Variants in RBMX observed in about 807,000 individuals in gnomAD.
RBMX encodes the protein RNA-binding motif protein, X chromosome.
In RBMX, 1 loss-of-function variant was observed where a neutral mutation model predicts 29.3. The ratio of observed to expected loss-of-function variants is 0.03; its 90% CI spans 0.01 to 0.16. RBMX has a LOEUF of 0.16. Ranked by LOEUF, RBMX falls within the 10% of genes least tolerant of loss-of-function variation. RBMX has a pLI of 1.00. For missense variants in RBMX, 121 were observed against 333.2 expected, an observed-to-expected ratio of 0.36 and a Z score of 4.96; for synonymous variants, 102 against 102.3, an observed-to-expected ratio of 1.00 and a Z score of 0.02.
At chrX:136,876,819 T>TGC (rs1358140301) in intron 4 of RBMX, among the ~76,000 whole-genome samples, 164 bp from the exon 5 acceptor site, 1 of 106,072 alleles carries the variant, frequency 9.4e-6, no homozygotes, top group Non-Finnish European at 1.9e-5. Context: ...GCAATTCTCC[T>TGC]GCCTCAGCCT....
Position 136,875,391 on chromosome X carries a change from G to C in RBMX, c.657-8C>G. On this transcript the variant is annotated splice_polypyrimidine_tract_variant and splice_region_variant and intron_variant, in intron 6 of 8. Transcript: ENST00000320676. ...TAATCTCTGCTTGAATAGCTACAAA[G>C]CAAAAGTTTTGGTTTATGCTTTTGA... 8.3e-7 allele frequency: 1 copy of C among 1,207,561 alleles called. No homozygotes were observed. Among genetic ancestry groups the C allele is most frequent in the Non-Finnish European group, 1.1e-6 (1 of 893,680 alleles).
At chrX:136,876,471 G>C in intron 5 of RBMX, 32 bp downstream of exon 5, 1 of 1,144,126 alleles carries the variant, frequency 8.7e-7, no homozygotes, top group Non-Finnish European at 1.2e-6. Flanking sequence ...TGTTACGGTA[G>C]TAGCATAAAT....
chrX:136,878,863 T>C (rs760457336), intron 3 of RBMX, among the ~76,000 whole-genome samples, 154 bp downstream of exon 3: 8 of 111,339 alleles, frequency 7.2e-5, no homozygotes, highest in Non-Finnish European at 1.1e-4. Flanking sequence ...GAATACTCTT[T>C]GGAACAGGAT....
intron 4 of RBMX, among the ~76,000 whole-genome samples, chrX:136,877,209 G>A (rs1318468774): frequency 1.9e-5 from 2 of 106,288 alleles, no homozygotes; most frequent in Admixed American, 1.0e-4. Flanking sequence ...GTGCATGCCC[G>A]TAATCCCAGC....
rs1441024124 is a variant in RBMX at position 136,875,504 on chromosome X, G to A, written c.623C>T (p.Ser208Phe). The change falls in exon 6 of 9, where the codon TCC (serine) becomes TTC (phenylalanine). Residue 208 changes from serine (S) to phenylalanine (F), a missense_variant. By Grantham distance (155) the Ser-to-Phe change is radical (BLOSUM62 -2). Around this residue, in one of 2 missense-constraint regions of RBMX, gnomAD observed 114 missense variants for 260.0 expected, o/e 0.44. Transcript: ENST00000320676. ...PLPSRRDVYL[S>F]PRDDGYSTKD... ...AGTAGAATACCCATCATCTCTTGGGGACAAATAAACATCTCTACGAGAGGG... is the reference window on the plus strand; with the variant it reads ...AGTAGAATACCCATCATCTCTTGGGAACAAATAAACATCTCTACGAGAGGG... 8.3e-7 allele frequency: 1 copy of A among 1,211,603 alleles called. No homozygotes were observed.
intron 4 of RBMX, among the ~76,000 whole-genome samples, chrX:136,877,452 CTTTT>C (rs551259279): frequency 0.013 from 1,145 of 85,837 alleles, 18 homozygotes; most frequent in African/African-American, 0.046. Flanking sequence ...TCTTAAAAAA[CTTTT>C]TTTTTTTTTT....
downstream of RBMX, chrX:136,872,495 T>A: frequency 2.0e-6 from 1 of 508,032 alleles, no homozygotes; most frequent in Non-Finnish European, 3.3e-6. Flanking sequence ...TCTTAAGTGG[T>A]GGAAGATTCA....
intron 5 of RBMX, 64 bp from the exon 6 acceptor site, chrX:136,875,649 T>G: frequency 8.6e-7 from 1 of 1,159,417 alleles, no homozygotes; most frequent in Non-Finnish European, 1.2e-6. Flanking sequence ...TGAACTTACA[T>G]TCAGGCTATG....
At chrX:136,878,109 A>G in intron 3 of RBMX, 23 bp from the exon 4 acceptor site, 2 of 1,128,090 alleles carry the variant, frequency 1.8e-6, no homozygotes, top group Non-Finnish European at 2.4e-6. Context: ...ATACGATTAA[A>G]TTAAATCAAG....
At chrX:136,871,569 ATTTG>A (rs1277956297), downstream of RBMX, among the ~76,000 whole-genome samples, 1 of 111,758 alleles carries the variant, frequency 8.9e-6, no homozygotes, top group Non-Finnish European at 1.9e-5. Flanking sequence ...CATTTAGTCA[ATTTG>A]TATTGTAGCT....
At chrX:136,876,456 CTT>C (rs1199413135) in intron 5 of RBMX, 45 bp downstream of exon 5, 2 of 1,109,323 alleles carry the variant, frequency 1.8e-6, no homozygotes, top group Non-Finnish European at 2.4e-6. Context: ...CCTCTCAATT[CTT>C]TGTGTTACGG....
At chrX:136,871,434 A>G (rs1294447889), downstream of RBMX, among the ~76,000 whole-genome samples, 2 of 76,106 alleles carry the variant, frequency 2.6e-5, no homozygotes, top group Non-Finnish European at 5.3e-5. Context: ...ACAGAGCAAG[A>G]CTCCGTCTCA....
chrX:136,871,741 C>T (rs2077686145), downstream of RBMX, among the ~76,000 whole-genome samples: 1 of 108,193 alleles, frequency 9.2e-6, no homozygotes, highest in Admixed American at 1.0e-4. Flanking sequence ...CCTCTGCCTC[C>T]TGGGTTCAAG....
In RBMX at chrX:136,874,135, T is replaced by C. The variant is rs1192535731; in HGVS notation, c.*7A>G. ...ACTGGGATTTTGGTCCAAAGTTTTGTTTGTTTCTAGTATCTGCTTCTGCCT... is the reference window on the plus strand; with the variant it reads ...ACTGGGATTTTGGTCCAAAGTTTTGCTTGTTTCTAGTATCTGCTTCTGCCT... On this transcript the variant is annotated 3_prime_UTR_variant, in exon 9 of 9. Coordinates refer to ENST00000320676, the MANE Select transcript of RBMX (RefSeq NM_002139.4). The C allele has an allele frequency of 1.6e-5, 19 of 1,186,895 alleles. No homozygotes were observed. Among genetic ancestry groups the C allele is most frequent in the Non-Finnish European group, 2.2e-5 (19 of 882,950 alleles).
chrX:136,873,508 C>T lies in RBMX; in HGVS notation c.*634G>A. On this transcript the variant is annotated 3_prime_UTR_variant, in exon 9 of 9. Coordinates refer to ENST00000320676, the MANE Select transcript of RBMX (RefSeq NM_002139.4). ...TTTAGTATTCTGTAGTTGTTTAACA[C>T]ACACTTAAATGGTCTTATTGGGGGA... 1.3e-6 allele frequency: 1 copy of T among 753,009 alleles called. No individual in the cohort carries two copies. The allele number at this position is 753,009 out of a possible 1,213,427, so 62.1% of individuals were successfully genotyped here.
downstream of RBMX, chrX:136,869,777 C>CT (rs747246124): frequency 2.7e-5 from 3 of 111,922 alleles, no homozygotes; most frequent in Non-Finnish European, 5.6e-5. Context: ...CAACTCAAGT[C>CT]TGTTTCCTTT....
chrX:136,879,520 T>G, intron 1 of RBMX, 67 bp from the exon 2 acceptor site: 1 of 877,254 alleles, frequency 1.1e-6, no homozygotes, highest in South Asian at 2.4e-5. Context: ...ACTTTTACTT[T>G]CGCACATTTC....
At chrX:136,878,165 G>T (rs1420047652) in intron 3 of RBMX, 79 bp from the exon 4 acceptor site, 3 of 874,718 alleles carry the variant, frequency 3.4e-6, no homozygotes, top group Non-Finnish European at 1.5e-6. Flanking sequence ...GACACTAACT[G>T]GTCCTTCAAA....
chrX:136,872,171 G>T (rs919577544), downstream of RBMX: 1 of 652,839 alleles, frequency 1.5e-6, no homozygotes, highest in Non-Finnish European at 2.4e-6. Flanking sequence ...TTTTACAGAT[G>T]AAGTGAGGAC....
Sources: allele counts gnomAD v4.1 joint callset (sites outside exome capture counted in the v4.1 genomes callset), GRCh38; gene constraint gnomAD v4.1.1; regional missense constraint gnomAD v4.1.1; transcripts MANE v1.5; gene names NCBI Gene and HGNC (gene_info 2026-07-23, HGNC 2026-07-21).